The following BCL11A variants were observed in gnomAD, a reference collection of about 807,000 sequenced individuals.
BCL11A encodes BCL11 transcription factor A, also known as B cell CLL/lymphoma 11A.
BCL11A carries 2 observed loss-of-function variants against 55.9 expected under a neutral mutation model. The ratio of observed to expected loss-of-function variants is 0.04; its 90% confidence interval spans 0.01 to 0.11. The LOEUF is 0.11. BCL11A is among the 10% of genes least tolerant of loss of function. The pLI is 1.00. For missense variants in BCL11A, 817 were observed against 1,137.1 expected, an observed-to-expected ratio of 0.72 and a Z score of 4.05; for synonymous variants, 465 against 473.4, an observed-to-expected ratio of 0.98 and a Z score of 0.23.
chr2:60,520,298 T>G (rs1405190764), intron 2 of BCL11A, among the ~76,000 whole-genome samples: 1 of 152,222 alleles, frequency 6.6e-6, no homozygotes, highest in East Asian at 1.9e-4. Context: ...TTTGTTTATT[T>G]TGAGGAAACA....
chr2:60,506,661 A>T (rs1204453181), intron 2 of BCL11A, among the ~76,000 whole-genome samples: 1 of 152,236 alleles, frequency 6.6e-6, no homozygotes, highest in Non-Finnish European at 1.5e-5. Context: ...CGTGCCCAGC[A>T]GTCTCCTAAA....
At position 60,461,037 on chromosome 2, in the gene BCL11A, G is replaced by A. The variant is rs1452244420; in HGVS notation, c.1875C>T (p.Ser625=). 1.2e-6 allele frequency: 2 copies of A among 1,607,280 alleles called. No homozygotes were observed. Among genetic ancestry groups the A allele is most frequent in the Admixed American group, 1.7e-5 (1 of 59,686 alleles). The change falls in exon 4 of 4, where the codon AGC becomes AGT. Residue 625 remains serine (S), a synonymous_variant. Transcript: ENST00000642384. The part of the protein sequence containing the change: ...GGLSKKLLLG[S]PSSLSPFSKR... Reference sequence around the variant, plus strand: ...TAGAGAAGGGGCTCAGCGAGCTGGGGCTGCCCAGCAGCAGCTTTTTGGACA... The same window carrying A: ...TAGAGAAGGGGCTCAGCGAGCTGGGACTGCCCAGCAGCAGCTTTTTGGACA...
chr2:60,462,802 C>G (rs1676390899), intron 3 of BCL11A, among the ~76,000 whole-genome samples: 1 of 152,214 alleles, frequency 6.6e-6, no homozygotes, highest in Non-Finnish European at 1.5e-5. Context: ...GCCTCTGTTT[C>G]CTCCTTGTTA....
Position 60,458,697 on chromosome 2 carries a change from G to A in BCL11A, c.*1707C>T. On this transcript the variant is annotated 3_prime_UTR_variant, in exon 4 of 4. Coordinates refer to ENST00000642384, the MANE Select transcript of BCL11A (RefSeq NM_022893.4). ...CAACTTTTCCCTTAAGTATAGACCT[G>A]TAAACTGGGAAAATTGTACAGTGCA... 2 of 1,027,968 alleles carry A rather than the reference G, an allele frequency of 1.9e-6. No homozygotes were observed. The highest frequency in any genetic ancestry group is 2.3e-6 in the Non-Finnish European group (2 of 855,770). The allele number at this position is 1,027,968 out of a possible 1,614,324, so 63.7% of individuals were successfully genotyped here.
intron 2 of BCL11A, among the ~76,000 whole-genome samples, chr2:60,473,690 C>T (rs2104049954): frequency 6.6e-6 from 1 of 152,328 alleles, no homozygotes; most frequent in African/African-American, 2.4e-5. Context: ...GATACCAGTT[C>T]TTCTCACTTA....
At chr2:60,452,191 C>T (rs1301261185) in exon 5 of BCL11A, 2 of 234,518 alleles carry the variant, frequency 8.5e-6, no homozygotes, top group East Asian at 6.1e-5. Context: ...CAATGTTAAG[C>T]ACACTTTTTA....
In BCL11A at chr2:60,494,172, G is replaced by A. The variant is rs571634152; in HGVS notation, c.386-25339C>T. On this transcript the variant is annotated intron_variant, in intron 2 of 3. Transcript: ENST00000642384. Reference sequence around the variant, plus strand: ...TTAAGAAACCTGAGCACATTCTTACGCCTAGGGCAATAAATACATCCTTGA... The same window carrying A: ...TTAAGAAACCTGAGCACATTCTTACACCTAGGGCAATAAATACATCCTTGA... Among the ~76,000 whole-genome samples, 61 of 152,244 alleles carry A rather than the reference G, an allele frequency of 4.0e-4. 1 individual carries two copies. The South Asian group carries it at 0.011, about 28-fold the overall frequency.
chr2:60,464,200 T>C (rs544085382), intron 3 of BCL11A, among the ~76,000 whole-genome samples: 2 of 152,268 alleles, frequency 1.3e-5, no homozygotes, highest in South Asian at 2.1e-4. Context: ...GATGGTAAGA[T>C]ACCAAAATTA....
At chr2:60,522,556 G>A (rs1669038795) in intron 2 of BCL11A, 1 of 152,244 alleles carries the variant, frequency 6.6e-6, no homozygotes, top group African/African-American at 2.4e-5. Flanking sequence ...CTTGTGTAAA[G>A]CCACCTTGCA....
At chr2:60,519,283 T>A (rs1471568482) in intron 2 of BCL11A, among the ~76,000 whole-genome samples, 1 of 152,222 alleles carries the variant, frequency 6.6e-6, no homozygotes, top group Non-Finnish European at 1.5e-5. Context: ...TTTGATTCTA[T>A]AACCTCCATA....
At chr2:60,475,257 G>A (rs913654174) in intron 2 of BCL11A, among the ~76,000 whole-genome samples, 3 of 152,188 alleles carry the variant, frequency 2.0e-5, no homozygotes, top group African/African-American at 4.8e-5. Context: ...TCACAAGTGC[G>A]TATTTTCCAA....
At position 60,457,985 on chromosome 2, in the gene BCL11A, G is replaced by C. The variant is rs1172106617; in HGVS notation, c.*2419C>G. On this transcript the variant is annotated 3_prime_UTR_variant, in exon 4 of 4. Transcript: ENST00000642384. Reference sequence around the variant, plus strand: ...TTTTTTTGAAGCATACAAATAATTTGCACTATATTATCCTGCCAAATTAAA... The same window carrying C: ...TTTTTTTGAAGCATACAAATAATTTCCACTATATTATCCTGCCAAATTAAA... 6.9e-6 allele frequency: 7 copies of C among 1,008,116 alleles called. No individual in the cohort carries two copies. In the African/African-American group the frequency reaches 1.4e-4, roughly 20 times the overall value. 62.4% of individuals were successfully genotyped at this position (1,008,116 alleles called of 1,614,324 possible). A position where few individuals can be genotyped will look rare whatever the true frequency, so the allele number is the denominator to read the frequency against.
rs528060987 is a variant in BCL11A at position 60,467,029 on chromosome 2, C to A, written c.487+1703G>T. Among the ~76,000 whole-genome samples the A allele has an allele frequency of 4.0e-5, 6 of 151,598 alleles. No individual in the cohort carries two copies. In the South Asian group the frequency reaches 1.3e-3, roughly 32 times the overall value. On this transcript the variant is annotated intron_variant, in intron 3 of 3. Coordinates refer to ENST00000642384, the MANE Select transcript of BCL11A (RefSeq NM_022893.4). ...ACAAATTTAAGTTTCATAAAATGGT[C>A]CCTACTATAAAAGCTCACTTGAACA...
chr2:60,546,313 A>G lies in BCL11A; in HGVS notation c.56-13T>C. On this transcript the variant is annotated splice_polypyrimidine_tract_variant and intron_variant, in intron 1 of 3. Coordinates refer to ENST00000642384, the MANE Select transcript of BCL11A (RefSeq NM_022893.4). This position sits in a 1 kb window ranked among gnomAD's most constrained non-coding sequence, Gnocchi z 4.1. ...TCAAGAGGCTCGGCTGTGGTTGGAG[A>G]AACAAAAGCACAATTATTAGAGTGC... The G allele has an allele frequency of 6.2e-7, 1 of 1,608,368 alleles. No homozygotes were observed. The highest frequency in any genetic ancestry group is 8.5e-7 in the Non-Finnish European group (1 of 1,176,436).
Position 60,461,082 on chromosome 2 carries a change from G to T in BCL11A, c.1830C>A (p.Gly610=). The T allele has an allele frequency of 6.2e-7, 1 of 1,602,428 alleles. No homozygotes were observed. Among genetic ancestry groups the T allele is most frequent in the Non-Finnish European group, 8.5e-7 (1 of 1,173,764 alleles). The stretch of plus-strand genomic sequence containing the variant: ...TGGACAGGCCCCCCGAGGCCGACTC[G>T]CCCGGGGAGCAGCCGCGGCCATTAA... ...GTVNGRGCSP[G]ESASGGLSKK... Residue 610 remains glycine, a synonymous_variant, in exon 4 of 4, where the codon GGC becomes GGA. Coordinates refer to ENST00000642384, the MANE Select transcript of BCL11A (RefSeq NM_022893.4).
intron 2 of BCL11A, among the ~76,000 whole-genome samples, chr2:60,521,106 CACA>C (rs1372884738): frequency 1.3e-3 from 26 of 20,518 alleles, no homozygotes; most frequent in East Asian, 8.7e-3. Context: ...CACACTCACA[CACA>C]CACACACACA....
At chr2:60,493,036 ACC>A (rs1678736075) in intron 2 of BCL11A, among the ~76,000 whole-genome samples, 1 of 151,770 alleles carries the variant, frequency 6.6e-6, no homozygotes, top group South Asian at 2.1e-4. Context: ...CCCACCTACC[ACC>A]ACAGTGTTGA....
chr2:60,503,056 T>A (rs1158671675), intron 2 of BCL11A, among the ~76,000 whole-genome samples: 1 of 152,176 alleles, frequency 6.6e-6, no homozygotes, highest in African/African-American at 2.4e-5. Flanking sequence ...GTCATCTTAA[T>A]ACACACGGAA....
chr2:60,510,083 G>A (rs937745283), intron 2 of BCL11A, among the ~76,000 whole-genome samples: 3 of 152,024 alleles, frequency 2.0e-5, no homozygotes, highest in Admixed American at 1.3e-4. Context: ...CCTGGTCCAC[G>A]CCACCATCAC....
Sources: allele counts gnomAD v4.1 joint callset (sites outside exome capture counted in the v4.1 genomes callset), GRCh38; gene constraint gnomAD v4.1.1; non-coding constraint Gnocchi (gnomAD v3.1); transcripts MANE v1.5; gene names NCBI Gene and HGNC (gene_info 2026-07-23, HGNC 2026-07-21).